RPS6KC1: variants seen among roughly 807,000 people sequenced by gnomAD.
RPS6KC1 encodes ribosomal protein S6 kinase C1.
In RPS6KC1, 54 loss-of-function variants were observed where a neutral mutation model predicts 103.8. The ratio of observed to expected loss-of-function variants is 0.52; its 90% CI spans 0.42 to 0.65. The LOEUF (loss-of-function observed/expected upper bound fraction) is 0.65, where lower values mean the gene tolerates loss of function less well. Among genes scored for constraint, RPS6KC1 ranks in the 30% least tolerant of loss-of-function variants. The pLI, the probability that RPS6KC1 is intolerant of heterozygous loss-of-function variation, is 0.00. For synonymous variants in RPS6KC1, 439 were observed against 438.7 expected (o/e 1.00, Z -0.01); for missense variants, 1,151 against 1,253.8 (o/e 0.92, Z 1.24).
the RPS6KC1 span, among the ~76,000 whole-genome samples, chr1:213,686,510 C>T: frequency 6.6e-6 from 1 of 152,152 alleles, no homozygotes; most frequent in Non-Finnish European, 1.5e-5. Context: ...AATGTCTAAA[C>T]TTGCCATCAT....
the RPS6KC1 span, chr1:213,819,446 C>T: frequency 2.0e-5 from 3 of 152,206 alleles, no homozygotes; most frequent in Non-Finnish European, 2.9e-5. Context: ...TGACTCCCTG[C>T]ATCTAAGATG....
At chr1:213,202,314 T>TA (rs1304049418) in intron 8 of RPS6KC1, among the ~76,000 whole-genome samples, 1 of 151,996 alleles carries the variant, frequency 6.6e-6, no homozygotes, top group Non-Finnish European at 1.5e-5. Flanking sequence ...TAATAGCATT[T>TA]AAAAAAACTA....
the RPS6KC1 span, among the ~76,000 whole-genome samples, chr1:213,741,933 A>G: frequency 2.0e-5 from 3 of 152,330 alleles, no homozygotes; most frequent in Non-Finnish European, 4.4e-5. Flanking sequence ...ACAAGAGTCT[A>G]AAGTTGATAA....
At chr1:213,129,296 C>G (rs2085329601) in intron 5 of RPS6KC1, among the ~76,000 whole-genome samples, 1 of 152,200 alleles carries the variant, frequency 6.6e-6, no homozygotes, top group Non-Finnish European at 1.5e-5. Flanking sequence ...AAAGATTTGT[C>G]TTCAATTTTA....
the RPS6KC1 span, among the ~76,000 whole-genome samples, chr1:213,329,043 A>C: frequency 6.6e-6 from 1 of 152,178 alleles, no homozygotes; most frequent in Non-Finnish European, 1.5e-5. Context: ...TCTTCAGAGA[A>C]GTGAAGACGT....
chr1:213,525,642 A>G, the RPS6KC1 span, among the ~76,000 whole-genome samples: 1 of 152,188 alleles, frequency 6.6e-6, no homozygotes. Context: ...ACAAAGATGA[A>G]GTAGCCACAT....
intron 8 of RPS6KC1, among the ~76,000 whole-genome samples, chr1:213,227,144 C>T (rs889389371): frequency 1.3e-5 from 2 of 152,180 alleles, no homozygotes; most frequent in African/African-American, 4.8e-5. Context: ...GATTTAATTC[C>T]TTAAAGCCCA....
chr1:213,256,312 G>A (rs2094642156), intron 12 of RPS6KC1, among the ~76,000 whole-genome samples: 1 of 152,142 alleles, frequency 6.6e-6, no homozygotes, highest in Admixed American at 6.5e-5. Flanking sequence ...AAAATGGGGA[G>A]TGAAAGAGGT....
intron 1 of RPS6KC1, among the ~76,000 whole-genome samples, chr1:213,064,877 G>A (rs1207172975): frequency 7.3e-5 from 11 of 149,682 alleles, no homozygotes; most frequent in African/African-American, 2.2e-4. Context: ...GGGTTTCACC[G>A]TGTTAGCCAG....
At chr1:213,168,110 G>A (rs866202416) in intron 7 of RPS6KC1, 137 bp downstream of exon 7, 12 of 545,696 alleles carry the variant, frequency 2.2e-5, no homozygotes, top group Non-Finnish European at 3.8e-5. Flanking sequence ...GTTGTTGGTA[G>A]AAAGAAATGC....
At chr1:213,380,811 A>G in the RPS6KC1 span, among the ~76,000 whole-genome samples, 1 of 152,174 alleles carries the variant, frequency 6.6e-6, no homozygotes, top group Non-Finnish European at 1.5e-5. Context: ...CGCCATCCGC[A>G]GCTCACCCTG....
the RPS6KC1 span, among the ~76,000 whole-genome samples, chr1:213,624,087 C>T: frequency 3.3e-5 from 5 of 152,144 alleles, no homozygotes; most frequent in African/African-American, 1.2e-4. Context: ...GAACAAAAAC[C>T]GCAGGGCAGA....
At chr1:213,359,516 C>A in the RPS6KC1 span, among the ~76,000 whole-genome samples, 3 of 152,104 alleles carry the variant, frequency 2.0e-5, no homozygotes, top group Admixed American at 1.3e-4. Context: ...ATCCAATTTG[C>A]CAGTCTGTGT....
At chr1:213,492,249 G>C in the RPS6KC1 span, 1 of 152,242 alleles carries the variant, frequency 6.6e-6, no homozygotes, top group Admixed American at 6.5e-5. Context: ...GCGTGGATTC[G>C]CAGTTGCGCT....
At chr1:213,367,922 A>G in the RPS6KC1 span, among the ~76,000 whole-genome samples, 1 of 152,226 alleles carries the variant, frequency 6.6e-6, no homozygotes, top group Non-Finnish European at 1.5e-5. Context: ...AAACCTCTTC[A>G]GTTTCTTTTA....
chr1:213,092,451 C>T (rs189046265), intron 3 of RPS6KC1, among the ~76,000 whole-genome samples: 4 of 152,152 alleles, frequency 2.6e-5, no homozygotes, highest in Admixed American at 6.5e-5. Flanking sequence ...GCGGGCGGAT[C>T]GCAAGGTCAG....
At chr1:213,407,371 C>T in the RPS6KC1 span, among the ~76,000 whole-genome samples, 8 of 152,232 alleles carry the variant, frequency 5.3e-5, no homozygotes, top group East Asian at 9.7e-4. Flanking sequence ...AGATTTTGCT[C>T]ATTCCCTTCT....
At chr1:213,355,312 A>T in the RPS6KC1 span, among the ~76,000 whole-genome samples, 1 of 151,996 alleles carries the variant, frequency 6.6e-6, no homozygotes, top group Non-Finnish European at 1.5e-5. Flanking sequence ...GGCTGGCGGG[A>T]TGTACAAGGG....
the RPS6KC1 span, among the ~76,000 whole-genome samples, chr1:213,853,324 C>A: frequency 6.6e-6 from 1 of 152,208 alleles, no homozygotes; most frequent in Non-Finnish European, 1.5e-5. Flanking sequence ...CAAGATGATT[C>A]ATGATGTTCT....
Sources: gnomAD v4.1 joint callset for allele counts (sites outside exome capture counted in the v4.1 genomes callset) on GRCh38, gnomAD v4.1.1 for gene constraint, MANE v1.5 for transcripts, NCBI Gene and HGNC (gene_info 2026-07-23, HGNC 2026-07-21) for gene names.